Variants in SYNM observed in about 807,000 individuals in gnomAD.
The protein encoded by SYNM is synemin.
A neutral mutation model predicts 104.0 loss-of-function variants in SYNM; 95 were observed. The ratio of observed to expected loss-of-function variants is 0.91; its 90% CI spans 0.77 to 1.08. The LOEUF (loss-of-function observed/expected upper bound fraction) is 1.08, where lower values mean the gene tolerates loss of function less well. Among genes scored for constraint, SYNM ranks in the 50% least tolerant of loss-of-function variants. SYNM has a pLI of 0.00. For synonymous variants in SYNM, 918 were observed against 869.0 expected (o/e 1.06, Z -0.99); for missense variants, 2,150 against 2,052.2 (o/e 1.05, Z -0.92).
chr15:99,132,857 G>C lies in SYNM; in HGVS notation c.4497G>C (p.Gln1499His), dbSNP rs550081681. The change falls in exon 4 of 4, where the codon CAG becomes CAC. Residue 1499 changes from glutamine to histidine, a missense_variant. Transcript: ENST00000336292. The stretch of plus-strand genomic sequence containing the variant: ...GAGACGCGGACAGTAGGAATGACCA[G>C]GCAGTTGGTGTGAGCTTTAAGGCCT... ...SWRDADSRND[Q>H]AVGVSFKASA... 2.0e-5 allele frequency: 33 copies of C among 1,613,966 alleles called. No individual in the cohort carries two copies. In the East Asian group the frequency reaches 3.8e-4, roughly 19 times the overall value.
rs568032041 is a variant in SYNM, at chr15:99,112,660, C to T, written c.811-931C>T. On this transcript the variant is annotated intron_variant, in intron 1 of 3. Transcript: ENST00000336292. ...GGGGAGCTGCGAGGAGCACCCAGGA[C>T]GCCCTTACTAGCTGCACTGTGCAAT... Among the ~76,000 whole-genome samples, 11 of 152,320 alleles carry T rather than the reference C, an allele frequency of 7.2e-5. No homozygotes were observed. In the East Asian group the frequency reaches 1.5e-3, roughly 21 times the overall value.
At position 99,130,911 on chromosome 15, in the gene SYNM, G is replaced by C; in HGVS notation, c.2551G>C (p.Gly851Arg). The C allele has an allele frequency of 6.2e-7, 1 of 1,613,862 alleles. No homozygotes were observed. Among genetic ancestry groups the C allele is most frequent in the East Asian group, 2.2e-5 (1 of 44,870 alleles). Reference protein sequence around the residue: ...GHDRDDGSVYGQIHIEEESTI... With the variant: ...GHDRDDGSVYRQIHIEEESTI... ...CGACAGAGATGACGGCTCGGTGTACGGGCAGATCCACATCGAGGAGGAATC... is the reference window on the plus strand; with the variant it reads ...CGACAGAGATGACGGCTCGGTGTACCGGCAGATCCACATCGAGGAGGAATC... The change falls in exon 4 of 4, where the codon GGG becomes CGG. Residue 851 changes from glycine to arginine, a missense_variant. Physicochemically the swap from Gly to Arg is moderately radical, Grantham distance 125. Transcript: ENST00000336292.
In SYNM at chr15:99,132,896, A is replaced by G; in HGVS notation, c.4536A>G (p.Gly1512=). The change falls in exon 4 of 4, where the codon GGA becomes GGG. Residue 1512 remains glycine, a synonymous_variant. Transcript: ENST00000336292. ...GCTTTAAGGCCTCTGCTGGGGAAGG[A>G]GACCAGGCCCACAGAGAACAGGGCA... ...GVSFKASAGE[G]DQAHREQGKE... The G allele has an allele frequency of 6.2e-7, 1 of 1,613,918 alleles. No homozygotes were observed. Among genetic ancestry groups the G allele is most frequent in the Non-Finnish European group, 8.5e-7 (1 of 1,179,870 alleles).
At chr15:99,128,659 CT>C (rs1256274683) in intron 3 of SYNM, among the ~76,000 whole-genome samples, 1 of 152,242 alleles carries the variant, frequency 6.6e-6, no homozygotes, top group Non-Finnish European at 1.5e-5. Context: ...GTTTCCCCTG[CT>C]GGGGTGTGGA....
At position 99,132,682 on chromosome 15, in the gene SYNM, T is replaced by A. The variant is rs1184620107; in HGVS notation, c.4322T>A (p.Leu1441Ter). ...GSADSPELGK[L>*]ADSSRTLRHI... The stretch of plus-strand genomic sequence containing the variant: ...GCGGACTCCCCTGAGCTAGGCAAGT[T>A]AGCAGACAGCAGCAGAACGCTAAGG... Residue 1441 changes from leucine (L) to a stop codon, truncating the protein, a stop_gained, in exon 4 of 4, where the codon TTA (leucine) becomes TAA (stop). Coordinates refer to ENST00000336292, the MANE Select transcript of SYNM (RefSeq NM_145728.3). LOFTEE classifies it high-confidence loss of function. 6.2e-7 allele frequency: 1 copy of A among 1,613,876 alleles called. No individual in the cohort carries two copies. Among genetic ancestry groups the A allele is most frequent in the African/African-American group, 1.3e-5 (1 of 74,902 alleles).
At position 99,131,013 on chromosome 15, in the gene SYNM, GAGA is replaced by G. The variant is rs1251552273; in HGVS notation, c.2656_2658del (p.Lys886del). 1 of 1,612,898 alleles carries G rather than the reference GAGA, an allele frequency of 6.2e-7. No homozygotes were observed. The highest frequency in any genetic ancestry group is 2.2e-5 in the East Asian group (1 of 44,860). On this transcript the variant is annotated inframe_deletion, in exon 4 of 4. Transcript: ENST00000336292. This position sits in a 1 kb window ranked among gnomAD's most constrained non-coding sequence, Gnocchi z 4.3. ...GACACAGAAGGACGGTGCAGTGGGC[GAGA>G]AGGTTGTGAAGCCCTTGGATGTCCC...
At chr15:99,139,316 C>G (rs192173095), downstream of SYNM, 75 of 1,612,202 alleles carry the variant, frequency 4.7e-5, no homozygotes, top group Non-Finnish European at 5.8e-5. Flanking sequence ...CGCCAACTCA[C>G]GTGGACAGCA....
At chr15:99,129,240 T>G in intron 3 of SYNM, 127 bp from the exon 4 acceptor site, 22 of 1,337,308 alleles carry the variant, frequency 1.6e-5, no homozygotes, top group Non-Finnish European at 2.1e-5. Flanking sequence ...ATCTTTATAA[T>G]GAGCTTTCTG....
At position 99,106,620 on chromosome 15, in the gene SYNM, G is replaced by A. The variant is rs560958308; in HGVS notation, c.810+611G>A. Among the ~76,000 whole-genome samples the A allele has an allele frequency of 1.4e-4, 21 of 152,360 alleles. No homozygotes were observed. The East Asian group carries it at 3.7e-3, about 27-fold the overall frequency. On this transcript the variant is annotated intron_variant, in intron 1 of 3. Transcript: ENST00000336292. ...TGTTTTGCTCACAGCACACGCTGACGTCAGATCTCTGCGTAGTGTAAAAGT... is the reference window on the plus strand; with the variant it reads ...TGTTTTGCTCACAGCACACGCTGACATCAGATCTCTGCGTAGTGTAAAAGT...
chr15:99,132,810 G>A lies in SYNM; in HGVS notation c.4450G>A (p.Val1484Met). Reference sequence around the variant, plus strand: ...GACACAGGAAGCGGGAGCTCTCGGTGTGTCTGACCGTGGTTCCTGGAGAGA... The same window carrying A: ...GACACAGGAAGCGGGAGCTCTCGGTATGTCTGACCGTGGTTCCTGGAGAGA... ...SRTQEAGALG[V>M]SDRGSWRDAD... The change falls in exon 4 of 4, where the codon GTG (valine) becomes ATG (methionine). Residue 1484 changes from valine (V) to methionine (M), a missense_variant. Val to Met is a conservative substitution (Grantham distance 21). Coordinates refer to ENST00000336292, the MANE Select transcript of SYNM (RefSeq NM_145728.3). 1 of 1,613,996 alleles carries A rather than the reference G, an allele frequency of 6.2e-7. No homozygotes were observed. Among genetic ancestry groups the A allele is most frequent in the East Asian group, 2.2e-5 (1 of 44,886 alleles).
rs781866526 is a variant in SYNM at position 99,113,661 on chromosome 15, A to C, written c.881A>C (p.Tyr294Ser). The change falls in exon 2 of 4, where the codon TAT becomes TCT. Residue 294 changes from tyrosine (Y) to serine (S), a missense_variant. Transcript: ENST00000336292. ...TLAMADWLRDYQDLLQVKTGL... is the reference protein window; with the variant it reads ...TLAMADWLRDSQDLLQVKTGL... ...GCCATGGCTGACTGGCTGCGGGACT[A>C]TCAGGACCTCCTGCAGGTGAAGACC... The C allele has an allele frequency of 8.1e-6, 13 of 1,613,554 alleles. No individual in the cohort carries two copies. Among genetic ancestry groups the C allele is most frequent in the Middle Eastern group, 1.7e-4 (1 of 6,060 alleles).
In SYNM at chr15:99,133,307, A is replaced by C; in HGVS notation, c.*249A>C. On this transcript the variant is annotated 3_prime_UTR_variant, in exon 4 of 4. Transcript: ENST00000336292. ...TTTTACAAAACACTTTTTTCCCTGG[A>C]GTCTTCTCTCCACTTCTGGAGATGA... The C allele has an allele frequency of 1.7e-6, 1 of 600,300 alleles. No homozygotes were observed. The highest frequency in any genetic ancestry group is 2.3e-5 in the South Asian group (1 of 44,066). 37.2% of individuals were successfully genotyped at this position (600,300 alleles called of 1,614,324 possible).
At chr15:99,111,493 T>G (rs1176414947) in intron 1 of SYNM, among the ~76,000 whole-genome samples, 2 of 152,240 alleles carry the variant, frequency 1.3e-5, no homozygotes, top group Non-Finnish European at 2.9e-5. Flanking sequence ...GGCAGTGCTG[T>G]CACTTACATC....
rs2067530849 is a variant in SYNM, at chr15:99,133,112, A to C, written c.*54A>C. On this transcript the variant is annotated 3_prime_UTR_variant, in exon 4 of 4. Transcript: ENST00000336292. ...GCCTGTTGGCGACGTGCCAACATCC[A>C]AAGGCCTTAACTTATTTTAAGAGGC... 1.3e-6 allele frequency: 2 copies of C among 1,594,684 alleles called. No homozygotes were observed. The highest frequency in any genetic ancestry group is 1.7e-6 in the Non-Finnish European group (2 of 1,176,260).
In SYNM at chr15:99,105,287, CG is replaced by C; in HGVS notation, c.91del (p.Glu31SerfsTer44). 6.4e-7 allele frequency: 1 copy of C among 1,553,976 alleles called. No homozygotes were observed. The highest frequency in any genetic ancestry group is 8.7e-7 in the Non-Finnish European group (1 of 1,150,040). ...ARLYDYVCRV[R>X]ELERENLLLE... is the part of the protein sequence containing the mutation. ...GCTCTATGACTACGTGTGTCGGGTG[CG>C]GGAGCTGGAGCGCGAAAACCTACTC... On this transcript the variant is annotated frameshift_variant, in exon 1 of 4. Transcript: ENST00000336292. LOFTEE classifies it high-confidence loss of function.
At chr15:99,106,033 T>C in intron 1 of SYNM, 24 bp downstream of exon 1, 1 of 1,430,338 alleles carries the variant, frequency 7.0e-7, no homozygotes, top group Non-Finnish European at 9.1e-7. Context: ...GATGGCGCGC[T>C]GACCCCATAC....
intron 1 of SYNM, among the ~76,000 whole-genome samples, chr15:99,106,512 G>A (rs1555482829): frequency 2.0e-5 from 3 of 152,194 alleles, no homozygotes; most frequent in South Asian, 2.1e-4. Context: ...GTTGGAAGCC[G>A]CAGTTGTGGC....
At chr15:99,126,506 C>T (rs545055811) in intron 2 of SYNM, among the ~76,000 whole-genome samples, 8 of 152,320 alleles carry the variant, frequency 5.3e-5, no homozygotes, top group Non-Finnish European at 1.2e-4. Context: ...AGGGATGTGG[C>T]GGTGAGCAGA....
chr15:99,124,317 C>T (rs995877736), intron 2 of SYNM, among the ~76,000 whole-genome samples: 5 of 152,210 alleles, frequency 3.3e-5, no homozygotes, highest in African/African-American at 9.6e-5. Flanking sequence ...ATGCTTTCGC[C>T]GTGTAGTCCT....
Sources: gnomAD v4.1 joint callset for allele counts (sites outside exome capture counted in the v4.1 genomes callset) on GRCh38, gnomAD v4.1.1 for gene constraint, Gnocchi (gnomAD v3.1) non-coding constraint, MANE v1.5 for transcripts, NCBI Gene and HGNC (gene_info 2026-07-23, HGNC 2026-07-21) for gene names.